RRAGB: variants seen among roughly 807,000 people sequenced by gnomAD.
The protein encoded by RRAGB is Ras related GTP binding B, also known as ras-related GTP-binding protein B.
Under a neutral mutation model 29.3 loss-of-function variants are expected in RRAGB, and 6 were observed. The ratio of observed to expected loss-of-function variants is 0.21; its 90% confidence interval spans 0.11 to 0.40. The LOEUF (loss-of-function observed/expected upper bound fraction) is 0.40. RRAGB is among the 10% of genes least tolerant of loss of function. RRAGB has a pLI of 1.00. For missense variants in RRAGB, 184 were observed against 272.9 expected (o/e 0.67, Z 2.29); for synonymous variants, 101 against 92.5 (o/e 1.09, Z -0.53).
intron 3 of RRAGB, among the ~76,000 whole-genome samples, chrX:55,728,370 C>T (rs2033555246): frequency 9.0e-6 from 1 of 111,496 alleles, no homozygotes; most frequent in African/African-American, 3.3e-5. Flanking sequence ...TGTACGGTTA[C>T]TGGCCTGGCC....
At chrX:55,749,859 C>T (rs1337426420) in intron 5 of RRAGB, among the ~76,000 whole-genome samples, 2 of 106,772 alleles carry the variant, frequency 1.9e-5, no homozygotes, top group African/African-American at 6.7e-5. Flanking sequence ...GAGTCATCAC[C>T]ACTCCCTAAT....
chrX:55,727,714 C>T (rs1267315413), intron 3 of RRAGB, among the ~76,000 whole-genome samples: 3 of 111,717 alleles, frequency 2.7e-5, no homozygotes, highest in Non-Finnish European at 5.6e-5. Flanking sequence ...GATAAAATTG[C>T]ACAAAAGTTA....
chrX:55,730,998 A>AGCATGT (rs1314209264), intron 4 of RRAGB, among the ~76,000 whole-genome samples: 1 of 110,743 alleles, frequency 9.0e-6, no homozygotes, highest in Admixed American at 9.7e-5. Context: ...CAGAGTGAAC[A>AGCATGT]GCATGTGTAA....
intron 5 of RRAGB, among the ~76,000 whole-genome samples, chrX:55,731,997 A>G (rs1238760473): frequency 8.9e-6 from 1 of 112,232 alleles, no homozygotes; most frequent in Non-Finnish European, 1.9e-5. Flanking sequence ...TGCTAACCAC[A>G]GTGTGTTAGG....
At chrX:55,740,322 C>CAAAAAAAAAA (rs542846613) in intron 5 of RRAGB, among the ~76,000 whole-genome samples, 1 of 92,441 alleles carries the variant, frequency 1.1e-5, no homozygotes, top group African/African-American at 4.0e-5. Context: ...GACTCCATCT[C>CAAAAAAAAAA]AAAAAAAAAA....
intron 5 of RRAGB, among the ~76,000 whole-genome samples, chrX:55,735,167 G>A (rs1324656735): frequency 8.9e-6 from 1 of 111,883 alleles, no homozygotes; most frequent in East Asian, 2.8e-4. Flanking sequence ...TAAGTCCAGT[G>A]TTTGTTGACT....
At chrX:55,751,071 C>A in intron 5 of RRAGB, 30 bp from the exon 6 acceptor site, 1 of 864,016 alleles carries the variant, frequency 1.2e-6, no homozygotes, top group Non-Finnish European at 1.7e-6. Context: ...CTATTATATG[C>A]TGATCAGTAT....
Position 55,731,504 on chromosome X carries a change from C to T in RRAGB, c.434C>T (p.Ala145Val), listed in dbSNP as rs751242930. Residue 145 changes from alanine (A) to valine (V), a missense_variant, in exon 5 of 10, where the codon GCC (alanine) becomes GTC (valine). Ala to Val is a moderately conservative substitution (Grantham distance 64). Coordinates refer to ENST00000374941, the MANE Select transcript of RRAGB (RefSeq NM_006064.5). The part of the protein sequence containing the change: ...DMHYYQSCLE[A>V]ILQNSPDAKI... ...CACTATTACCAATCATGCCTGGAGGCCATTCTGCAGAATTCTCCAGATGCC... is the reference window on the plus strand; with the variant it reads ...CACTATTACCAATCATGCCTGGAGGTCATTCTGCAGAATTCTCCAGATGCC... 8.3e-7 allele frequency: 1 copy of T among 1,208,679 alleles called. No individual in the cohort carries two copies. The highest frequency in any genetic ancestry group is 1.8e-5 in the South Asian group (1 of 56,586).
intron 3 of RRAGB, among the ~76,000 whole-genome samples, chrX:55,726,191 T>C (rs962599816): frequency 8.9e-6 from 1 of 111,951 alleles, no homozygotes; most frequent in African/African-American, 3.2e-5. Context: ...ATTTATATTT[T>C]ATTGTTTTTA....
chrX:55,733,925 C>T (rs1374588264), intron 5 of RRAGB, among the ~76,000 whole-genome samples: 3 of 68,750 alleles, frequency 4.4e-5, no homozygotes, highest in Non-Finnish European at 7.8e-5. Flanking sequence ...TCTATCTGGT[C>T]CTGGGGTTTT....
chrX:55,719,223 CTT>C (rs775712318), intron 1 of RRAGB, 89 bp from the exon 2 acceptor site: 132 of 810,077 alleles, frequency 1.6e-4, no homozygotes, highest in Non-Finnish European at 2.1e-4. Flanking sequence ...TAAACATGCT[CTT>C]TTGTACCTCC....
intron 5 of RRAGB, among the ~76,000 whole-genome samples, chrX:55,749,324 G>C: frequency 1.1e-5 from 1 of 90,545 alleles, no homozygotes; most frequent in Admixed American, 1.2e-4. Flanking sequence ...GGGGGGGTCA[G>C]TCCCCAGCCC....
At chrX:55,718,639 G>C (rs944236453) in intron 1 of RRAGB, among the ~76,000 whole-genome samples, 2 of 111,803 alleles carry the variant, frequency 1.8e-5, no homozygotes, top group Non-Finnish European at 3.8e-5. Context: ...TATTCCTGGT[G>C]GTGGTGCTGG....
chrX:55,725,341 A>C (rs2033440675), intron 3 of RRAGB, among the ~76,000 whole-genome samples: 1 of 111,827 alleles, frequency 8.9e-6, no homozygotes, highest in Non-Finnish European at 1.9e-5. Context: ...TTAAAATATT[A>C]TGTTGGTCTT....
chrX:55,751,356 CTTAACA>C (rs962067719), intron 6 of RRAGB, 160 bp downstream of exon 6: 10 of 375,719 alleles, frequency 2.7e-5, no homozygotes, highest in Admixed American at 2.5e-4. Context: ...GAATATCAAA[CTTAACA>C]TTAAGAGACT....
At chrX:55,745,822 AG>A (rs34280764) in intron 5 of RRAGB, among the ~76,000 whole-genome samples, 1 of 112,069 alleles carries the variant, frequency 8.9e-6, no homozygotes, top group Non-Finnish European at 1.9e-5. Flanking sequence ...ACTCTGGAAC[AG>A]GGAAAATAAC....
chrX:55,745,190 C>T (rs1336321203), intron 5 of RRAGB, among the ~76,000 whole-genome samples: 2 of 112,180 alleles, frequency 1.8e-5, no homozygotes, highest in African/African-American at 6.5e-5. Context: ...ATAATGTCAT[C>T]AATGTAATGG....
intron 3 of RRAGB, among the ~76,000 whole-genome samples, chrX:55,726,730 A>C (rs978974836): frequency 3.6e-5 from 4 of 111,573 alleles, no homozygotes; most frequent in African/African-American, 1.3e-4. Flanking sequence ...GATAAGACTG[A>C]AAGAGGAATA....
At chrX:55,750,901 C>A (rs1006686315) in intron 5 of RRAGB, among the ~76,000 whole-genome samples, 200 bp from the exon 6 acceptor site, 6 of 111,713 alleles carry the variant, frequency 5.4e-5, no homozygotes, top group Non-Finnish European at 1.1e-4. Flanking sequence ...GCAGGATAGG[C>A]CTGAAGAATT....
Sources: gnomAD v4.1 joint callset for allele counts (sites outside exome capture counted in the v4.1 genomes callset) on GRCh38, gnomAD v4.1.1 for gene constraint, MANE v1.5 for transcripts, NCBI Gene and HGNC (gene_info 2026-07-23, HGNC 2026-07-21) for gene names.